GBE1: variants seen among roughly 807,000 people sequenced by gnomAD.
GBE1 encodes 1,4-alpha-glucan branching enzyme 1, also known as 1,4-alpha-glucan-branching enzyme.
GBE1 carries 70 observed loss-of-function variants against 88.8 expected under a neutral mutation model. The observed-to-expected ratio is 0.79, with a 90% CI of 0.65 to 0.96. GBE1 has a LOEUF of 0.96. Ranked by LOEUF, GBE1 falls within the 40% of genes least tolerant of loss-of-function variation. The pLI is 0.00. For missense variants in GBE1, 872 were observed against 871.0 expected (o/e 1.00, Z -0.01); for synonymous variants, 284 against 300.1 (o/e 0.95, Z 0.56).
rs145581803 is a variant in GBE1, at chr3:81,667,093, A to G, written c.429+3745T>C. 4.9e-3 allele frequency among the ~76,000 whole-genome samples: 743 copies of G among 152,274 alleles called. 5 individuals are homozygous for G. The highest frequency in any genetic ancestry group is 0.017 in the African/African-American group (700 of 41,572). On this transcript the variant is annotated intron_variant, in intron 3 of 15. Coordinates refer to ENST00000429644, the MANE Select transcript of GBE1 (RefSeq NM_000158.4). ...AGACAGAATGCTACTCATTTCTTAC[A>G]ATGATTATTAAAATTCTCTTATTTC...
At chr3:81,749,005 CA>C (rs34051030) in intron 1 of GBE1, among the ~76,000 whole-genome samples, 130 of 108,080 alleles carry the variant, frequency 1.2e-3, no homozygotes, top group Middle Eastern at 5.2e-3. Context: ...GACTCTGTCT[CA>C]AAAAAAAAAA....
chr3:81,578,126 G>GA lies in GBE1; in HGVS notation c.1447-31dup, dbSNP rs11376242. 57,956 of 1,373,164 alleles carry GA rather than the reference G, an allele frequency of 0.042. 984 individuals carry two copies. Among genetic ancestry groups the GA allele is most frequent in the African/African-American group, 0.15 (9,764 of 66,188 alleles). The allele number at this position is 1,373,164 out of a possible 1,614,324, so 85.1% of individuals were successfully genotyped here. The stretch of plus-strand genomic sequence containing the variant: ...AGAAATAAAAGTAATGGAGATAAAT[G>GA]AAAAAAAAAAGTGCTAAGTAGTTGT... On this transcript the variant is annotated intron_variant, in intron 11 of 15. Coordinates refer to ENST00000429644, the MANE Select transcript of GBE1 (RefSeq NM_000158.4).
intron 14 of GBE1, 59 bp downstream of exon 14, chr3:81,535,136 T>C: frequency 1.5e-6 from 2 of 1,369,598 alleles, no homozygotes; most frequent in Non-Finnish European, 9.8e-7. Flanking sequence ...TTTTTTGTCC[T>C]ATAATGTAAT....
intron 14 of GBE1, among the ~76,000 whole-genome samples, chr3:81,512,247 T>G (rs1239657718): frequency 1.3e-5 from 2 of 151,722 alleles, no homozygotes. Context: ...CTGGGTGCTA[T>G]GCTCACTACC....
chr3:81,734,998 G>A (rs954133032), intron 1 of GBE1, among the ~76,000 whole-genome samples: 1 of 151,820 alleles, frequency 6.6e-6, no homozygotes, highest in African/African-American at 2.4e-5. Flanking sequence ...TTTATCTGAT[G>A]TATCTACACT....
chr3:81,625,090 A>AG (rs1409790283), intron 7 of GBE1, among the ~76,000 whole-genome samples: 31 of 6,322 alleles, frequency 4.9e-3, no homozygotes, highest in Admixed American at 0.013. Context: ...TTATGTTATG[A>AG]GGGAGGGGGA....
rs1311289383 is a variant in GBE1 at position 81,601,780 on chromosome 3, A to T, written c.993-7757T>A. ...TAAAGATAAGCATGTTTAAGCTAAC[A>T]TCAAAGCTAAATAATCCCTTTTTTA... is the stretch of plus-strand genomic sequence containing the variant. On this transcript the variant is annotated intron_variant, in intron 7 of 15. Transcript: ENST00000429644. Among the ~76,000 whole-genome samples the T allele has an allele frequency of 2.0e-5, 3 of 152,222 alleles. No homozygotes were observed. The East Asian group carries it at 5.8e-4, about 29-fold the overall frequency.
At chr3:81,703,147 C>G (rs1705725147) in intron 2 of GBE1, among the ~76,000 whole-genome samples, 1 of 151,886 alleles carries the variant, frequency 6.6e-6, no homozygotes, top group African/African-American at 2.4e-5. Flanking sequence ...AAATAGAATG[C>G]CTTGATTATA....
At chr3:81,694,239 G>T (rs1424746186) in intron 2 of GBE1, among the ~76,000 whole-genome samples, 1 of 152,086 alleles carries the variant, frequency 6.6e-6, no homozygotes, top group Non-Finnish European at 1.5e-5. Flanking sequence ...GAAGGAAAAG[G>T]AGGAGGAAGG....
In GBE1 at chr3:81,598,498, T is replaced by C. The variant is rs866882073; in HGVS notation, c.993-4475A>G. On this transcript the variant is annotated intron_variant, in intron 7 of 15. Coordinates refer to ENST00000429644, the MANE Select transcript of GBE1 (RefSeq NM_000158.4). ...TAATAACAGGTAACATCAAACTACCTGGTTTATTTTTTAAAATTAAAAGAA... is the reference window on the plus strand; with the variant it reads ...TAATAACAGGTAACATCAAACTACCCGGTTTATTTTTTAAAATTAAAAGAA... Among the ~76,000 whole-genome samples, 16 of 152,128 alleles carry C rather than the reference T, an allele frequency of 1.1e-4. No homozygotes were observed. The South Asian group carries it at 2.5e-3, about 24-fold the overall frequency.
intron 8 of GBE1, among the ~76,000 whole-genome samples, chr3:81,592,448 A>T (rs1373499819): frequency 6.6e-6 from 1 of 151,806 alleles, no homozygotes; most frequent in African/African-American, 2.4e-5. Context: ...TAAATTCATG[A>T]CCTCCTGATA....
At chr3:81,678,982 G>A (rs530867137) in intron 2 of GBE1, among the ~76,000 whole-genome samples, 12 of 152,014 alleles carry the variant, frequency 7.9e-5, no homozygotes, top group East Asian at 3.9e-4. Flanking sequence ...TATTAATGAC[G>A]AAATTGTACA....
intron 2 of GBE1, among the ~76,000 whole-genome samples, chr3:81,697,301 C>CT (rs774202162): frequency 0.07 from 9,960 of 141,346 alleles, 649 homozygotes; most frequent in African/African-American, 0.17. Flanking sequence ...CAGACAACAT[C>CT]TTTTTTTTTT....
At chr3:81,603,405 TAA>T (rs1704059335) in intron 7 of GBE1, among the ~76,000 whole-genome samples, 1 of 152,138 alleles carries the variant, frequency 6.6e-6, no homozygotes, top group Admixed American at 6.6e-5. Context: ...AATCAGTATA[TAA>T]ACAGATAATC....
At chr3:81,687,416 T>C (rs561935169) in intron 2 of GBE1, among the ~76,000 whole-genome samples, 1 of 152,314 alleles carries the variant, frequency 6.6e-6, no homozygotes, top group South Asian at 2.1e-4. Flanking sequence ...AAGATAAATA[T>C]ATAGAGATAT....
At chr3:81,753,559 T>G (rs1706561196) in intron 1 of GBE1, among the ~76,000 whole-genome samples, 1 of 152,190 alleles carries the variant, frequency 6.6e-6, no homozygotes, top group Admixed American at 6.5e-5. Context: ...TGATGAGAGC[T>G]GAAAGGAATC....
chr3:81,718,643 T>C (rs567941656), intron 1 of GBE1, among the ~76,000 whole-genome samples: 10 of 152,278 alleles, frequency 6.6e-5, no homozygotes, highest in African/African-American at 2.2e-4. Context: ...TTTTGTTTTG[T>C]TTTGTTTTTT....
At chr3:81,750,694 T>C (rs1706516575) in intron 1 of GBE1, among the ~76,000 whole-genome samples, 1 of 100,458 alleles carries the variant, frequency 1.0e-5, no homozygotes, top group East Asian at 3.5e-4. Flanking sequence ...TATATATATA[T>C]GTATTTTTTT....
intron 1 of GBE1, among the ~76,000 whole-genome samples, chr3:81,713,748 T>A (rs1238462167): frequency 6.6e-6 from 1 of 152,174 alleles, no homozygotes; most frequent in Non-Finnish European, 1.5e-5. Context: ...ATTTTCAAAA[T>A]CCTACATAAA....
Sources: gnomAD v4.1 joint callset for allele counts (sites outside exome capture counted in the v4.1 genomes callset) on GRCh38, gnomAD v4.1.1 for gene constraint, MANE v1.5 for transcripts, NCBI Gene and HGNC (gene_info 2026-07-23, HGNC 2026-07-21) for gene names.